TAF12: variants seen among roughly 807,000 people sequenced by gnomAD.
TAF12 encodes the protein transcription initiation factor TFIID subunit 12.
Under a neutral mutation model 20.8 loss-of-function variants are expected in TAF12, and 3 were observed. The ratio of observed to expected loss-of-function variants is 0.14; its 90% CI spans 0.07 to 0.37. TAF12 has a LOEUF of 0.37. Among genes scored for constraint, TAF12 ranks in the 10% least tolerant of loss-of-function variants. The probability of loss-of-function intolerance (pLI) is 1.00; values close to 1 mark genes in which losing one functional copy is unlikely to be tolerated. For missense variants in TAF12, 131 were observed against 197.9 expected (o/e 0.66, Z 2.03); for synonymous variants, 69 against 70.2 (o/e 0.98, Z 0.09).
intron 1 of TAF12, among the ~76,000 whole-genome samples, chr1:28,637,594 G>A (rs1182612152): frequency 6.6e-6 from 1 of 151,444 alleles, no homozygotes. Context: ...GAACCCGTGA[G>A]GCGGAGGTTG....
chr1:28,640,459 TG>T (rs1667994863), intron 1 of TAF12, among the ~76,000 whole-genome samples: 1 of 152,150 alleles, frequency 6.6e-6, no homozygotes, highest in South Asian at 2.1e-4. Context: ...CACATGTAAC[TG>T]GGGTTGGGTC....
chr1:28,636,882 G>A (rs553416463), intron 1 of TAF12, among the ~76,000 whole-genome samples: 12 of 152,244 alleles, frequency 7.9e-5, no homozygotes, highest in African/African-American at 2.2e-4. Flanking sequence ...CTGAGGTGAC[G>A]GAATGGCTTG....
Position 28,633,811 on chromosome 1 carries a change from C to G in TAF12, c.-85+9181G>C, listed in dbSNP as rs535232285. Among the ~76,000 whole-genome samples, 8 of 151,368 alleles carry G rather than the reference C, an allele frequency of 5.3e-5. No homozygotes were observed. The South Asian group carries it at 1.7e-3, about 32-fold the overall frequency. ...CCTGTAATCCCAGCTATTCGGGAGG[C>G]TGAGGCAGGAGAATCGCTAGAATCC... is the stretch of plus-strand genomic sequence containing the variant. On this transcript the variant is annotated intron_variant, in intron 1 of 5. Transcript: ENST00000373824.
rs4252995 is a variant in TAF12 at position 28,604,201 on chromosome 1, G to A, written c.451-627C>T. Among the ~76,000 whole-genome samples the A allele has an allele frequency of 7.1e-3, 1,074 of 152,316 alleles. 5 individuals carry two copies. Among genetic ancestry groups the A allele is most frequent in the African/African-American group, 0.024 (1,007 of 41,566 alleles). On this transcript the variant is annotated intron_variant, in intron 5 of 5. Transcript: ENST00000373824. Reference sequence around the variant, plus strand: ...ATTACAGGCATGAGCCACTGCGCCTGGCCAAGCATGTGTTTTCTGGGGTCC... The same window carrying A: ...ATTACAGGCATGAGCCACTGCGCCTAGCCAAGCATGTGTTTTCTGGGGTCC...
At chr1:28,618,077 G>C (rs771288362) in intron 2 of TAF12, 47 bp from the exon 3 acceptor site, 25 of 1,546,552 alleles carry the variant, frequency 1.6e-5, no homozygotes. Context: ...TTAAGGAAAT[G>C]AAACAAATCA....
chr1:28,644,160 G>A (rs1456142455), upstream of TAF12, among the ~76,000 whole-genome samples: 1 of 152,122 alleles, frequency 6.6e-6, no homozygotes, highest in Non-Finnish European at 1.5e-5. Flanking sequence ...AGATGGAGAA[G>A]AACCCACAAA....
intron 4 of TAF12, among the ~76,000 whole-genome samples, chr1:28,609,075 TTTTA>T (rs1303456044): frequency 2.6e-5 from 4 of 152,136 alleles, no homozygotes; most frequent in African/African-American, 7.2e-5. Flanking sequence ...ATATAATCTT[TTTTA>T]TTTATTTATT....
At chr1:28,620,685 G>A (rs551533322) in intron 2 of TAF12, among the ~76,000 whole-genome samples, 12 of 152,066 alleles carry the variant, frequency 7.9e-5, no homozygotes, top group Non-Finnish European at 1.5e-4. Context: ...CGCCCACCTC[G>A]GCCTCCCAAA....
At chr1:28,611,678 C>A (rs1026231289) in intron 4 of TAF12, among the ~76,000 whole-genome samples, 1 of 152,144 alleles carries the variant, frequency 6.6e-6, no homozygotes, top group African/African-American at 2.4e-5. Flanking sequence ...AGAATAGATT[C>A]TTCCCTAGGG....
chr1:28,642,634 T>C (rs1218062152), intron 1 of TAF12: 16 of 985,018 alleles, frequency 1.6e-5, no homozygotes, highest in Non-Finnish European at 1.8e-5. Context: ...GGAGCCCAAG[T>C]CCTCACCGCT....
intron 4 of TAF12, among the ~76,000 whole-genome samples, chr1:28,610,865 C>T (rs1349480439): frequency 1.3e-5 from 2 of 148,368 alleles, no homozygotes; most frequent in Non-Finnish European, 3.0e-5. Flanking sequence ...GAGGCTGAGG[C>T]AGAAGAATCC....
At chr1:28,604,619 T>A (rs1408822164) in intron 5 of TAF12, among the ~76,000 whole-genome samples, 2 of 152,210 alleles carry the variant, frequency 1.3e-5, no homozygotes, top group Non-Finnish European at 2.9e-5. Context: ...GTGGCTTCCC[T>A]TTAGGGCTTG....
chr1:28,610,328 T>A (rs1252171279), intron 4 of TAF12, among the ~76,000 whole-genome samples: 1 of 152,142 alleles, frequency 6.6e-6, no homozygotes, highest in Non-Finnish European at 1.5e-5. Context: ...AGGGTCTTAC[T>A]CTGTCACTCA....
At chr1:28,611,886 C>T (rs1444240957) in intron 4 of TAF12, among the ~76,000 whole-genome samples, 1 of 152,162 alleles carries the variant, frequency 6.6e-6, no homozygotes, top group African/African-American at 2.4e-5. Flanking sequence ...TAGCTGAGCC[C>T]AGTCAACCCC....
In TAF12 at chr1:28,642,994, G is replaced by A; in HGVS notation, c.-87C>T. 1.0e-6 allele frequency: 1 copy of A among 986,020 alleles called. No individual in the cohort carries two copies. The highest frequency in any genetic ancestry group is 1.7e-5 in the African/African-American group (1 of 57,378). The allele number at this position is 986,020 out of a possible 1,614,324, so 61.1% of individuals were successfully genotyped here. Reference sequence around the variant, plus strand: ...AACTGCCAGGGCCCAAGACTCACAGGCAGCAGCGTCTATCTCCCCATGATA... The same window carrying A: ...AACTGCCAGGGCCCAAGACTCACAGACAGCAGCGTCTATCTCCCCATGATA... On this transcript the variant is annotated splice_region_variant and 5_prime_UTR_variant, in exon 1 of 6. Coordinates refer to ENST00000373824, the MANE Select transcript of TAF12 (RefSeq NM_005644.4).
intron 1 of TAF12, among the ~76,000 whole-genome samples, chr1:28,642,072 A>G (rs1668052729): frequency 6.6e-6 from 1 of 152,168 alleles, no homozygotes; most frequent in African/African-American, 2.4e-5. Flanking sequence ...GTGCTCATTC[A>G]GGGTTGAGTG....
intron 1 of TAF12, among the ~76,000 whole-genome samples, chr1:28,634,340 C>T (rs922511187): frequency 3.6e-5 from 5 of 140,492 alleles, no homozygotes; most frequent in East Asian, 2.3e-4. Context: ...AGCTTGAACT[C>T]GGGAGGCAGG....
Position 28,603,349 on chromosome 1 carries a change from G to T in TAF12, c.*190C>A, listed in dbSNP as rs754692017. 1.7e-6 allele frequency: 1 copy of T among 574,970 alleles called. No individual in the cohort carries two copies. The highest frequency in any genetic ancestry group is 3.1e-5 in the Admixed American group (1 of 32,696). 35.6% of individuals were successfully genotyped at this position (574,970 alleles called of 1,614,324 possible). On this transcript the variant is annotated 3_prime_UTR_variant, in exon 6 of 6. Coordinates refer to ENST00000373824, the MANE Select transcript of TAF12 (RefSeq NM_005644.4). ...TTGAGATGGCAGGGAAAAGGGACCG[G>T]AAGTTGGGGTAGGAGGCTTTATTCT...
upstream of TAF12, chr1:28,643,214 T>TA (rs1668100389): frequency 1.5e-6 from 1 of 649,782 alleles, no homozygotes; most frequent in South Asian, 6.8e-5. Context: ...TGTGTGTAGG[T>TA]ACACCCTGCA....
Sources: allele counts gnomAD v4.1 joint callset (sites outside exome capture counted in the v4.1 genomes callset), GRCh38; gene constraint gnomAD v4.1.1; transcripts MANE v1.5; gene names NCBI Gene and HGNC (gene_info 2026-07-23, HGNC 2026-07-21).